SPON2: variants seen among roughly 807,000 people sequenced by gnomAD.
SPON2 encodes spondin 2.
SPON2 carries 32 observed loss-of-function variants against 29.9 expected under a neutral mutation model. That is an observed-to-expected ratio of 1.07 (90% CI 0.81 to 1.44). The LOEUF (loss-of-function observed/expected upper bound fraction) is 1.44. Ranked by LOEUF, SPON2 falls within the 40% of genes most tolerant of loss-of-function variation. The pLI is 0.00. For missense variants in SPON2, 541 were observed against 455.5 expected, an observed-to-expected ratio of 1.19 and a Z score of -1.71; for synonymous variants, 248 against 209.1, an observed-to-expected ratio of 1.19 and a Z score of -1.61.
At chr4:1,195,347 G>A (rs1387970365), upstream of SPON2, among the ~76,000 whole-genome samples, 1 of 152,116 alleles carries the variant, frequency 6.6e-6, no homozygotes, top group Non-Finnish European at 1.5e-5. Context: ...CAGGCAACAG[G>A]ACCGGCCCCC....
At position 1,170,570 on chromosome 4, in the gene SPON2, A is replaced by G; in HGVS notation, c.643T>C (p.Ser215Pro). The G allele has an allele frequency of 6.2e-7, 1 of 1,609,682 alleles. No individual in the cohort carries two copies. Among genetic ancestry groups the G allele is most frequent in the South Asian group, 1.1e-5 (1 of 90,954 alleles). Residue 215 changes from serine to proline, a missense_variant, in exon 5 of 6, where the codon TCC (serine) becomes CCC (proline). Transcript: ENST00000290902. ...IPQDTVTEIT[S>P]SSPSHPANSF... is the part of the protein sequence containing the mutation. ...TTGGCCGGGTGGCTGGGAGAGGAGG[A>G]CGTTATCTGGGGAGGAAGAAGAGGA... is the stretch of plus-strand genomic sequence containing the variant.
At chr4:1,189,519 G>A (rs1230694473) in intron 1 of SPON2, among the ~76,000 whole-genome samples, 3 of 151,326 alleles carry the variant, frequency 2.0e-5, no homozygotes, top group Admixed American at 6.6e-5. Context: ...TGGGTGTGGT[G>A]GCACGCACCT....
At position 1,202,035 on chromosome 4, in the gene SPON2, C is replaced by T. The variant is rs1728222441; in HGVS notation, c.-234+5845G>A. Among the ~76,000 whole-genome samples, 1 of 152,208 alleles carries T rather than the reference C, an allele frequency of 6.6e-6. No individual in the cohort carries two copies. Among genetic ancestry groups the T allele is most frequent in the Non-Finnish European group, 1.5e-5 (1 of 68,046 alleles). ...TGTTCACGAAGTTGTGCAACCATCC[C>T]CACTCATCTCACTCCGGAACACGTT... is the stretch of plus-strand genomic sequence containing the variant. On this transcript the variant is annotated intron_variant, in intron 1 of 3. Coordinates refer to the SPON2 transcript ENST00000509233. The surrounding 1 kb of genome is among the most constrained non-coding windows in gnomAD (Gnocchi z 5.4).
At position 1,202,304 on chromosome 4, in the gene SPON2, G is replaced by GAAGTT; in HGVS notation, c.-234+5575_-234+5576insAACTT. On this transcript the variant is annotated intron_variant, in intron 1 of 3. Coordinates refer to the SPON2 transcript ENST00000509233. The surrounding 1 kb of genome is among the most constrained non-coding windows in gnomAD (Gnocchi z 5.4). ...GCTTTAGTCACAAGGGCTCTGCCTCGTGAGTGGATCAAACACCTCCCATCA... is the reference window on the plus strand; with the variant it reads ...GCTTTAGTCACAAGGGCTCTGCCTCGAAGTTTGAGTGGATCAAACACCTCCCATCA... Among the ~76,000 whole-genome samples the GAAGTT allele has an allele frequency of 6.6e-6, 1 of 152,268 alleles. No homozygotes were observed. Among genetic ancestry groups the GAAGTT allele is most frequent in the Non-Finnish European group, 1.5e-5 (1 of 68,024 alleles).
In SPON2 at chr4:1,186,071, C is replaced by T. The variant is rs527790555; in HGVS notation, c.-238-6530G>A. ...CATCCTGGCTAACACGGTGAAACCC[C>T]ATCTCTACTAAAAATACAAAAAATT... On this transcript the variant is annotated intron_variant, in intron 1 of 3. Transcript: ENST00000502483. Among the ~76,000 whole-genome samples the T allele has an allele frequency of 9.4e-4, 134 of 141,988 alleles. 2 individuals carry two copies. In the East Asian group the frequency reaches 0.013, roughly 14 times the overall value. The allele number at this position is 141,988 out of a possible 152,430, so 93.1% of individuals were successfully genotyped here.
chr4:1,205,368 C>CG (rs1043992080), intron 1 of SPON2, among the ~76,000 whole-genome samples: 1 of 152,156 alleles, frequency 6.6e-6, no homozygotes, highest in South Asian at 2.1e-4. Flanking sequence ...GGGGCCTCCT[C>CG]GGAGCAGCTG....
chr4:1,171,952 C>T lies in SPON2; in HGVS notation c.120G>A (p.Leu40=). The T allele has an allele frequency of 6.2e-7, 1 of 1,612,880 alleles. No homozygotes were observed. The highest frequency in any genetic ancestry group is 8.5e-7 in the Non-Finnish European group (1 of 1,179,850). The change falls in exon 2 of 6, where the codon CTG becomes CTA. Residue 40 remains leucine, a synonymous_variant. Transcript: ENST00000290902. ...GGESICSARA[L]AKYSITFTGK... ...CCGTGAAGGTGATGCTGTATTTGGC[C>T]AGGGCTCTGGCGGAACAGATGGACT...
chr4:1,171,839 G>C lies in SPON2; in HGVS notation c.220+13C>G, dbSNP rs767171681. On this transcript the variant is annotated intron_variant, in intron 2 of 5. Coordinates refer to ENST00000290902, the MANE Select transcript of SPON2 (RefSeq NM_012445.4). Reference sequence around the variant, plus strand: ...CCTGGTGGAGCAGGAGGCGAGGAGGGGGCTGTACTTACCCAGCAGCGAAGA... The same window carrying C: ...CCTGGTGGAGCAGGAGGCGAGGAGGCGGCTGTACTTACCCAGCAGCGAAGA... The C allele has an allele frequency of 1.2e-5, 19 of 1,592,838 alleles. No individual in the cohort carries two copies. Among genetic ancestry groups the C allele is most frequent in the Non-Finnish European group, 1.5e-5 (18 of 1,161,804 alleles).
intron 1 of SPON2, among the ~76,000 whole-genome samples, chr4:1,182,932 G>GA (rs971138756): frequency 1.7e-4 from 25 of 148,440 alleles, no homozygotes; most frequent in South Asian, 4.3e-4. Flanking sequence ...GAGTGTTCAA[G>GA]AAAAAAAAAA....
chr4:1,185,129 A>G (rs1727767115), intron 1 of SPON2, among the ~76,000 whole-genome samples: 1 of 151,214 alleles, frequency 6.6e-6, no homozygotes, highest in Non-Finnish European at 1.5e-5. Context: ...GCTGGAGTGC[A>G]GTGGCACAAT....
chr4:1,186,067 AC>A (rs1177854774), intron 1 of SPON2, among the ~76,000 whole-genome samples: 4 of 144,378 alleles, frequency 2.8e-5, no homozygotes, highest in Non-Finnish European at 4.7e-5. Flanking sequence ...ACACGGTGAA[AC>A]CCCATCTCTA....
chr4:1,184,558 C>G (rs1025589641), intron 1 of SPON2, among the ~76,000 whole-genome samples: 7 of 152,168 alleles, frequency 4.6e-5, no homozygotes, highest in Admixed American at 4.6e-4. Context: ...CTCACACTTC[C>G]TGATTTCAAA....
chr4:1,200,766 C>A, intron 1 of SPON2: 1 of 454,890 alleles, frequency 2.2e-6, no homozygotes, highest in Non-Finnish European at 4.4e-6. Flanking sequence ...AGGGTGGGTG[C>A]AGCCCCCCAC....
chr4:1,186,022 AT>A (rs1256444380), intron 1 of SPON2, among the ~76,000 whole-genome samples: 1 of 151,048 alleles, frequency 6.6e-6, no homozygotes, highest in African/African-American at 2.4e-5. Flanking sequence ...AGGCGGGCGG[AT>A]CACGAGGTCA....
chr4:1,196,983 T>A (rs1728083821), upstream of SPON2: 1 of 152,220 alleles, frequency 6.6e-6, no homozygotes, highest in Non-Finnish European at 1.5e-5. Flanking sequence ...TGGTTGGGCA[T>A]GTGGCAGGGA....
chr4:1,203,189 A>G (rs1728256828), intron 1 of SPON2, among the ~76,000 whole-genome samples: 2 of 152,114 alleles, frequency 1.3e-5, no homozygotes, highest in South Asian at 4.2e-4. Flanking sequence ...TGTTGCTTAT[A>G]AATTACTCAG....
At chr4:1,186,071 C>CT (rs1727793629) in intron 1 of SPON2, among the ~76,000 whole-genome samples, 1 of 141,902 alleles carries the variant, frequency 7.0e-6, no homozygotes, top group Non-Finnish European at 1.6e-5. Flanking sequence ...GGTGAAACCC[C>CT]ATCTCTACTA....
At chr4:1,170,977 C>T (rs1489945302) in intron 4 of SPON2, 22 bp downstream of exon 4, 4 of 1,545,914 alleles carry the variant, frequency 2.6e-6, no homozygotes, top group African/African-American at 1.4e-5. Context: ...GCGGCCCTTG[C>T]GCACGCGGGG....
upstream of SPON2, among the ~76,000 whole-genome samples, chr4:1,176,354 G>A (rs957811450): frequency 3.9e-5 from 6 of 152,100 alleles, no homozygotes; most frequent in African/African-American, 1.4e-4. Flanking sequence ...CCGCAGGCAG[G>A]AGCAGCCCCC....
Sources: gnomAD v4.1 joint callset for allele counts (sites outside exome capture counted in the v4.1 genomes callset) on GRCh38, gnomAD v4.1.1 for gene constraint, Gnocchi (gnomAD v3.1) non-coding constraint, MANE v1.5 for transcripts, NCBI Gene and HGNC (gene_info 2026-07-23, HGNC 2026-07-21) for gene names.